The following EXOC3L4 variants were observed in gnomAD, a reference collection of about 807,000 sequenced individuals.
The protein encoded by EXOC3L4 is exocyst complex component 3-like protein 4.
EXOC3L4 carries 62 observed loss-of-function variants against 69.7 expected under a neutral mutation model. The observed-to-expected ratio is 0.89, with a 90% CI of 0.72 to 1.10. The LOEUF is 1.10. Among genes scored for constraint, EXOC3L4 ranks in the 50% least tolerant of loss-of-function variants. The probability of loss-of-function intolerance (pLI) is 0.00; values close to 1 mark genes in which losing one functional copy is unlikely to be tolerated. For synonymous variants in EXOC3L4, 502 were observed against 464.2 expected (o/e 1.08, Z -1.05); for missense variants, 1,087 against 1,034.8 (o/e 1.05, Z -0.69).
intron 2 of EXOC3L4, 38 bp downstream of exon 2, chr14:103,100,651 A>G: frequency 6.4e-7 from 1 of 1,566,740 alleles, no homozygotes; most frequent in Admixed American, 1.8e-5. Flanking sequence ...ATGAAAGGAA[A>G]CGGGCCAGAG....
At chr14:103,104,105 G>A (rs1395355442) in intron 4 of EXOC3L4, 53 bp downstream of exon 4, 5 of 1,465,758 alleles carry the variant, frequency 3.4e-6, no homozygotes, top group African/African-American at 1.5e-5. Context: ...GGCGGGCCCT[G>A]GGGGGATGTG....
chr14:103,106,662 A>C (rs1477046028), intron 7 of EXOC3L4, 123 bp from the exon 8 acceptor site: 1 of 607,454 alleles, frequency 1.6e-6, no homozygotes, highest in Non-Finnish European at 2.9e-6. Flanking sequence ...AGACAGCTAC[A>C]ATGGGGAGCC....
At chr14:103,105,148 G>A (rs1361212123) in intron 7 of EXOC3L4, 76 bp downstream of exon 7, 3 of 1,458,372 alleles carry the variant, frequency 2.1e-6, no homozygotes, top group South Asian at 1.3e-5. Flanking sequence ...CTGGATGGAG[G>A]GGAGTGCGCG....
chr14:103,099,396 C>A (rs368634478), intron 1 of EXOC3L4, among the ~76,000 whole-genome samples: 6 of 152,324 alleles, frequency 3.9e-5, no homozygotes, highest in Admixed American at 1.3e-4. Context: ...CCCTGGGACA[C>A]CCCCTCCATT....
Position 103,102,320 on chromosome 14 carries a change from G to T in EXOC3L4, c.597G>T (p.Glu199Asp). The T allele has an allele frequency of 6.4e-7, 1 of 1,568,014 alleles. No individual in the cohort carries two copies. Among genetic ancestry groups the T allele is most frequent in the African/African-American group, 1.3e-5 (1 of 74,186 alleles). The change falls in exon 3 of 12, where the codon GAG becomes GAT. Residue 199 changes from glutamate (E) to aspartate (D), a missense_variant. By Grantham distance (45) the Glu-to-Asp change is conservative (BLOSUM62 2). Coordinates refer to ENST00000688303, the MANE Select transcript of EXOC3L4 (RefSeq NM_001077594.2). The stretch of plus-strand genomic sequence containing the variant: ...CCGAGATCGGCGCCATCGTGCGCGA[G>T]ACGCTGGACAGCGACGGTGTGGACG... ...LAAEIGAIVR[E>D]TLDSDGVDAA...
At position 103,100,407 on chromosome 14, in the gene EXOC3L4, G is replaced by C; in HGVS notation, c.188G>C (p.Arg63Pro). The change falls in exon 2 of 12, where the codon CGG becomes CCG. Residue 63 changes from arginine (R) to proline (P), a missense_variant. Arg to Pro is a moderately radical substitution (Grantham distance 103). Coordinates refer to ENST00000688303, the MANE Select transcript of EXOC3L4 (RefSeq NM_001077594.2). ...CAGGCCTTCTCCCGGGCCAGCCAGCGGGCTTTGACCCAGGTCTCCAAGGAA... is the reference window on the plus strand; with the variant it reads ...CAGGCCTTCTCCCGGGCCAGCCAGCCGGCTTTGACCCAGGTCTCCAAGGAA... Reference protein sequence around the residue: ...LRQAFSRASQRALTQVSKEDT... With the variant: ...LRQAFSRASQPALTQVSKEDT... 6.2e-7 allele frequency: 1 copy of C among 1,612,294 alleles called. No individual in the cohort carries two copies. Among genetic ancestry groups the C allele is most frequent in the Non-Finnish European group, 8.5e-7 (1 of 1,179,410 alleles).
intron 1 of EXOC3L4, among the ~76,000 whole-genome samples, chr14:103,095,446 G>A (rs1268947400): frequency 6.6e-6 from 1 of 152,236 alleles, no homozygotes; most frequent in African/African-American, 2.4e-5. Context: ...GCTTCTTGGG[G>A]GAGGAGCCAT....
At chr14:103,101,683 G>A (rs535690246) in intron 2 of EXOC3L4, among the ~76,000 whole-genome samples, 39 of 152,360 alleles carry the variant, frequency 2.6e-4, no homozygotes, top group African/African-American at 8.4e-4. Context: ...TGGAGGTGGA[G>A]AGCTCTTGTC....
In EXOC3L4 at chr14:103,106,871, T is replaced by C; in HGVS notation, c.1553T>C (p.Leu518Ser). 6.3e-7 allele frequency: 1 copy of C among 1,583,690 alleles called. No individual in the cohort carries two copies. The highest frequency in any genetic ancestry group is 8.6e-7 in the Non-Finnish European group (1 of 1,163,424). Residue 518 changes from leucine to serine, a missense_variant, in exon 8 of 12, where the codon TTG becomes TCG. Physicochemically the swap from Leu to Ser is moderately radical, Grantham distance 145. Transcript: ENST00000688303. ...VTATCSFQKH[L>S]LQGLQRELQP... ...GCCACCTGCAGCTTCCAGAAGCACT[T>C]GCTTCAGGGCTTGCAGCGTGAGTTG...
At position 103,100,594 on chromosome 14, in the gene EXOC3L4, G is replaced by C. The variant is rs1566946247; in HGVS notation, c.375G>C (p.Glu125Asp). 1 of 1,604,588 alleles carries C rather than the reference G, an allele frequency of 6.2e-7. No individual in the cohort carries two copies. The highest frequency in any genetic ancestry group is 1.7e-5 in the Admixed American group (1 of 59,584). ...SQQASTGAAS[E>D]ELKPEAEGKS... is the part of the protein sequence containing the mutation. The stretch of plus-strand genomic sequence containing the variant: ...AGGCATCCACTGGGGCAGCGTCTGA[G>C]GAACTGAAACCCGAGGCAGGTAAGG... Residue 125 changes from glutamate (E) to aspartate (D), a missense_variant, in exon 2 of 12, where the codon GAG (glutamate) becomes GAC (aspartate). Transcript: ENST00000688303.
At chr14:103,100,635 C>A (rs781575866) in intron 2 of EXOC3L4, 22 bp downstream of exon 2, 3 of 1,585,314 alleles carry the variant, frequency 1.9e-6, no homozygotes, top group East Asian at 4.5e-5. Context: ...AGAAACAACA[C>A]GAAGCATGAA....
chr14:103,104,395 G>T lies in EXOC3L4; in HGVS notation c.1284+6G>T, dbSNP rs761920206. On this transcript the variant is annotated splice_donor_region_variant and intron_variant, in intron 5 of 11. Coordinates refer to ENST00000688303, the MANE Select transcript of EXOC3L4 (RefSeq NM_001077594.2). The stretch of plus-strand genomic sequence containing the variant: ...TGTCCATGGACGTCCATATGGTGCG[G>T]CCCGGGAGCAGGGGCTGAGAAGGGG... 9 of 1,554,700 alleles carry T rather than the reference G, an allele frequency of 5.8e-6. No individual in the cohort carries two copies. The South Asian group carries it at 8.4e-5, about 14-fold the overall frequency.
At chr14:103,108,606 C>G in intron 11 of EXOC3L4, 89 bp downstream of exon 11, 1 of 1,541,176 alleles carries the variant, frequency 6.5e-7, no homozygotes, top group East Asian at 2.3e-5. Context: ...CCAGACCTGA[C>G]TGCCCAGGGG....
intron 9 of EXOC3L4, 33 bp from the exon 10 acceptor site, chr14:103,107,598 C>A (rs1440461200): frequency 6.9e-6 from 11 of 1,599,358 alleles, no homozygotes; most frequent in Non-Finnish European, 9.4e-6. Flanking sequence ...GGGCTGTTGA[C>A]CCTGACCCTG....
rs536393223 is a variant in EXOC3L4 at position 103,110,237 on chromosome 14, G to C, written c.*14G>C. On this transcript the variant is annotated 3_prime_UTR_variant, in exon 12 of 12. Coordinates refer to ENST00000688303, the MANE Select transcript of EXOC3L4 (RefSeq NM_001077594.2). ...ACCTGCGTCTAGTTCTCTCTGGCTC[G>C]AGGGGGGGCCGGCCGCTGGCAGGGA... The C allele has an allele frequency of 6.7e-7, 1 of 1,498,700 alleles. No homozygotes were observed. The highest frequency in any genetic ancestry group is 1.4e-5 in the African/African-American group (1 of 71,690). 92.8% of individuals were successfully genotyped at this position (1,498,700 alleles called of 1,614,324 possible). A position where few individuals can be genotyped will look rare whatever the true frequency, so the allele number is the denominator to read the frequency against.
rs1480900165 is a variant in EXOC3L4 at position 103,110,257 on chromosome 14, C to T, written c.*34C>T. 2 of 1,495,932 alleles carry T rather than the reference C, an allele frequency of 1.3e-6. No individual in the cohort carries two copies. Among genetic ancestry groups the T allele is most frequent in the South Asian group, 1.3e-5 (1 of 77,370 alleles). 92.7% of individuals were successfully genotyped at this position (1,495,932 alleles called of 1,614,324 possible). A position where few individuals can be genotyped will look rare whatever the true frequency, so the allele number is the denominator to read the frequency against. On this transcript the variant is annotated 3_prime_UTR_variant, in exon 12 of 12. Coordinates refer to ENST00000688303, the MANE Select transcript of EXOC3L4 (RefSeq NM_001077594.2). Reference sequence around the variant, plus strand: ...GGCTCGAGGGGGGGCCGGCCGCTGGCAGGGAGCTGTGGTCAGTGGGGGTCA... The same window carrying T: ...GGCTCGAGGGGGGGCCGGCCGCTGGTAGGGAGCTGTGGTCAGTGGGGGTCA...
intron 11 of EXOC3L4, 47 bp from the exon 12 acceptor site, chr14:103,109,984 T>A: frequency 6.6e-7 from 1 of 1,516,386 alleles, no homozygotes; most frequent in Non-Finnish European, 8.9e-7. Flanking sequence ...GGGCTGGGGG[T>A]GTTGCGGAGG....
At chr14:103,104,086 G>A (rs1566949874) in intron 4 of EXOC3L4, 34 bp downstream of exon 4, 2 of 1,508,766 alleles carry the variant, frequency 1.3e-6, no homozygotes, top group African/African-American at 1.4e-5. Flanking sequence ...GGCGGGCCAG[G>A]CTGGAGGGGG....
Position 103,103,937 on chromosome 14 carries a change from C to A in EXOC3L4, c.1050-4C>A. ...CGCCCCCAGCCCCCTGCCCTGTCTT[C>A]CAGTCCTGACTTCCTGGGCGCCCCG... On this transcript the variant is annotated splice_region_variant and splice_polypyrimidine_tract_variant and intron_variant, in intron 3 of 11. Transcript: ENST00000688303. The A allele has an allele frequency of 1.3e-6, 2 of 1,538,714 alleles. No individual in the cohort carries two copies. Among genetic ancestry groups the A allele is most frequent in the Non-Finnish European group, 1.7e-6 (2 of 1,147,246 alleles).
Sources: allele counts gnomAD v4.1 joint callset (sites outside exome capture counted in the v4.1 genomes callset), GRCh38; gene constraint gnomAD v4.1.1; transcripts MANE v1.5; gene names NCBI Gene and HGNC (gene_info 2026-07-23, HGNC 2026-07-21).